Variants in MAU2 observed in about 807,000 individuals in gnomAD.
MAU2 encodes the protein MAU2 chromatid cohesion factor homolog.
A neutral mutation model predicts 89.1 loss-of-function variants in MAU2; 9 were observed. The observed-to-expected ratio is 0.10, with a 90% CI of 0.06 to 0.18. The LOEUF is 0.18. Among genes scored for constraint, MAU2 ranks in the 10% least tolerant of loss-of-function variants. The pLI, the probability that MAU2 is intolerant of heterozygous loss-of-function variation, is 1.00. For missense variants in MAU2, 425 were observed against 803.5 expected (o/e 0.53, Z 5.69); for synonymous variants, 357 against 343.4 (o/e 1.04, Z -0.44).
intron 4 of MAU2, among the ~76,000 whole-genome samples, chr19:19,338,167 C>G (rs1169591403): frequency 6.6e-6 from 1 of 152,230 alleles, no homozygotes; most frequent in Non-Finnish European, 1.5e-5. Context: ...AAGAGCTCCC[C>G]CAGCAGCCAG....
In MAU2 at chr19:19,336,130, G is replaced by T; in HGVS notation, c.303G>T (p.Gln101His). Residue 101 changes from glutamine to histidine, a missense_variant, in exon 3 of 19, where the codon CAG (glutamine) becomes CAT (histidine). By Grantham distance (24) the Gln-to-His change is conservative. Transcript: ENST00000262815. ...TAACTGGACGTCACTAGATCCCGCA[G>T]TTCGAAGATGTTAAATTTGAAGCAG... is the stretch of plus-strand genomic sequence containing the variant. The part of the protein sequence containing the change: ...KAWLISQQIP[Q>H]FEDVKFEAAS... 6.2e-7 allele frequency: 1 copy of T among 1,613,010 alleles called. No homozygotes were observed. The highest frequency in any genetic ancestry group is 1.3e-5 in the African/African-American group (1 of 74,974).
intron 1 of MAU2, chr19:19,329,140 C>G: frequency 6.6e-6 from 3 of 455,894 alleles, no homozygotes; most frequent in Non-Finnish European, 1.3e-5. Flanking sequence ...GGTTCTGAGC[C>G]TCTCCTCATC....
At chr19:19,333,064 C>T (rs1380898966) in intron 1 of MAU2, among the ~76,000 whole-genome samples, 1 of 148,428 alleles carries the variant, frequency 6.7e-6, no homozygotes, top group East Asian at 2.0e-4. Context: ...GCAACAAGAG[C>T]GAAACTCCAT....
rs918932996 is a variant in MAU2 at position 19,341,352 on chromosome 19, C to T, written c.680C>T (p.Ser227Leu). The T allele has an allele frequency of 3.1e-6, 5 of 1,613,750 alleles. No individual in the cohort carries two copies. The highest frequency in any genetic ancestry group is 1.3e-5 in the African/African-American group (1 of 74,924). Reference protein sequence around the residue: ...NWQGNPIQKESLRVFFLVLQV... With the variant: ...NWQGNPIQKELLRVFFLVLQV... ...CAGGGGAACCCCATCCAGAAGGAGT[C>T]GCTGCGTGTCTTCTTCCTGGTGCTC... The change falls in exon 7 of 19, where the codon TCG becomes TTG. Residue 227 changes from serine to leucine, a missense_variant. By Grantham distance (145) the Ser-to-Leu change is moderately radical. This residue lies in a region of MAU2 where 119 missense variants were observed against 299.8 expected (regional missense o/e 0.40). Coordinates refer to ENST00000262815, the MANE Select transcript of MAU2 (RefSeq NM_015329.4).
chr19:19,355,543 C>A, intron 18 of MAU2, 152 bp downstream of exon 18: 2 of 1,268,702 alleles, frequency 1.6e-6, no homozygotes, highest in Non-Finnish European at 2.2e-6. Flanking sequence ...CATGGGCACC[C>A]CCACCCAAGC....
intron 16 of MAU2, among the ~76,000 whole-genome samples, chr19:19,351,783 T>C (rs1325779946): frequency 2.0e-5 from 3 of 151,426 alleles, no homozygotes; most frequent in African/African-American, 7.3e-5. Flanking sequence ...CATCCATCCC[T>C]TCCCACTGCC....
At chr19:19,355,484 C>A in intron 18 of MAU2, 93 bp downstream of exon 18, 1 of 1,546,594 alleles carries the variant, frequency 6.5e-7, no homozygotes, top group East Asian at 2.3e-5. Flanking sequence ...CTCTTTTGTC[C>A]AACAAACCCT....
intron 16 of MAU2, 121 bp downstream of exon 16, chr19:19,349,557 G>C: frequency 1.2e-6 from 1 of 833,316 alleles, no homozygotes; most frequent in Admixed American, 2.2e-5. Context: ...CGAAGAGCAC[G>C]TCTAGGTGGA....
At position 19,355,470 on chromosome 19, in the gene MAU2, A is replaced by C. The variant is rs115296904; in HGVS notation, c.1767+79A>C. 4.0e-4 allele frequency: 636 copies of C among 1,576,578 alleles called. 3 individuals carry two copies. The African/African-American group carries it at 7.7e-3, about 19-fold the overall frequency. ...CAAGAGGAAGGGGCACCTTGGCTGTATTTCTCTTTTGTCCAACAAACCCTA... is the reference window on the plus strand; with the variant it reads ...CAAGAGGAAGGGGCACCTTGGCTGTCTTTCTCTTTTGTCCAACAAACCCTA... On this transcript the variant is annotated intron_variant, in intron 18 of 18. Coordinates refer to ENST00000262815, the MANE Select transcript of MAU2 (RefSeq NM_015329.4).
Position 19,349,036 on chromosome 19 carries a change from C to G in MAU2, c.1358+98C>G, listed in dbSNP as rs973485091. ...CCCTTGCACCCTGACACCCCATACC[C>G]CTCCTCACAGACAGTCTGCAGTGGG... On this transcript the variant is annotated intron_variant, in intron 14 of 18. Coordinates refer to ENST00000262815, the MANE Select transcript of MAU2 (RefSeq NM_015329.4). The G allele has an allele frequency of 1.9e-6, 3 of 1,555,788 alleles. No individual in the cohort carries two copies. The African/African-American group carries it at 4.1e-5, about 21-fold the overall frequency.
chr19:19,333,641 T>C (rs1306855352), intron 1 of MAU2, among the ~76,000 whole-genome samples: 1 of 152,210 alleles, frequency 6.6e-6, no homozygotes, highest in African/African-American at 2.4e-5. Flanking sequence ...GCCACAGACA[T>C]GCACGTGTGG....
At chr19:19,322,507 G>A (rs2061469577) in intron 1 of MAU2, among the ~76,000 whole-genome samples, 1 of 152,232 alleles carries the variant, frequency 6.6e-6, no homozygotes, top group Non-Finnish European at 1.5e-5. Context: ...GCTGAGGTGG[G>A]AGGATCAGCT....
chr19:19,348,956 C>G lies in MAU2; in HGVS notation c.1358+18C>G. 1 of 1,612,224 alleles carries G rather than the reference C, an allele frequency of 6.2e-7. No individual in the cohort carries two copies. Among genetic ancestry groups the G allele is most frequent in the Non-Finnish European group, 8.5e-7 (1 of 1,179,272 alleles). Reference sequence around the variant, plus strand: ...CCTGTCAGGTGAGCCGCTCCAGGCACCACTCCACGCACGGCCTAGGCTCCC... The same window carrying G: ...CCTGTCAGGTGAGCCGCTCCAGGCAGCACTCCACGCACGGCCTAGGCTCCC... On this transcript the variant is annotated intron_variant, in intron 14 of 18. Transcript: ENST00000262815.
chr19:19,336,813 G>A (rs1047971092), intron 3 of MAU2, among the ~76,000 whole-genome samples: 1 of 152,190 alleles, frequency 6.6e-6, no homozygotes, highest in South Asian at 2.1e-4. Context: ...GGGTAAGGTG[G>A]CATTGGCAGC....
chr19:19,335,261 G>A (rs2061587019), intron 1 of MAU2, among the ~76,000 whole-genome samples: 1 of 152,132 alleles, frequency 6.6e-6, no homozygotes, highest in East Asian at 1.9e-4. Context: ...GACTAACCTT[G>A]CCCCCCAAGA....
chr19:19,336,723 T>C (rs2061599570), intron 3 of MAU2, among the ~76,000 whole-genome samples: 1 of 152,218 alleles, frequency 6.6e-6, no homozygotes, highest in South Asian at 2.1e-4. Context: ...CTGACAAGTC[T>C]GTACAGTTTC....
At chr19:19,333,415 G>A (rs530956739) in intron 1 of MAU2, among the ~76,000 whole-genome samples, 1 of 152,058 alleles carries the variant, frequency 6.6e-6, no homozygotes, top group African/African-American at 2.4e-5. Flanking sequence ...CAGCCCAGGA[G>A]GTCAAGGCTG....
intron 1 of MAU2, among the ~76,000 whole-genome samples, chr19:19,330,278 C>T (rs1165234920): frequency 6.6e-6 from 1 of 151,818 alleles, no homozygotes; most frequent in Non-Finnish European, 1.5e-5. Context: ...TTGCTCCCAG[C>T]CAACCCTGTC....
At chr19:19,321,287 G>A in intron 1 of MAU2, 152 bp downstream of exon 1, 1 of 932,372 alleles carries the variant, frequency 1.1e-6, no homozygotes, top group Non-Finnish European at 1.5e-6. Context: ...CGCCTCTGCC[G>A]GACCCCAAAG....
Sources: gnomAD v4.1 joint callset for allele counts (sites outside exome capture counted in the v4.1 genomes callset) on GRCh38, gnomAD v4.1.1 for gene constraint, gnomAD v4.1.1 regional missense constraint, MANE v1.5 for transcripts, NCBI Gene and HGNC (gene_info 2026-07-23, HGNC 2026-07-21) for gene names.